Variants in KIAA1217 observed in about 807,000 individuals in gnomAD.
KIAA1217 encodes KIAA1217, also known as sickle tail protein homolog.
A neutral mutation model predicts 163.9 loss-of-function variants in KIAA1217; 88 were observed. The ratio of observed to expected loss-of-function variants is 0.54; its 90% CI spans 0.45 to 0.64. KIAA1217 has a LOEUF of 0.64. Among genes scored for constraint, KIAA1217 ranks in the 30% least tolerant of loss-of-function variants. The pLI, the probability that KIAA1217 is intolerant of heterozygous loss-of-function variation, is 0.00. For missense variants in KIAA1217, 2,372 were observed against 2,475.0 expected, an observed-to-expected ratio of 0.96 and a Z score of 0.88; for synonymous variants, 903 against 923.1, an observed-to-expected ratio of 0.98 and a Z score of 0.39.
At chr10:23,805,752 G>A (rs1222247170) in intron 1 of KIAA1217, among the ~76,000 whole-genome samples, 6 of 152,052 alleles carry the variant, frequency 3.9e-5, no homozygotes, top group South Asian at 2.1e-4. Context: ...GGTGGCTCAC[G>A]CCCGTAATCC....
At chr10:24,290,746 G>A (rs2079012199) in intron 2 of KIAA1217, among the ~76,000 whole-genome samples, 1 of 151,918 alleles carries the variant, frequency 6.6e-6, no homozygotes, top group African/African-American at 2.4e-5. Flanking sequence ...GGGGTTACAG[G>A]TGCCCACCAC....
intron 1 of KIAA1217, among the ~76,000 whole-genome samples, chr10:23,982,582 G>A (rs1011173541): frequency 8.7e-5 from 3 of 34,456 alleles, no homozygotes; most frequent in Non-Finnish European, 1.2e-4. Context: ...TCTCTCTCTC[G>A]GCTGGAGTTT....
At position 24,301,385 on chromosome 10, in the gene KIAA1217, A is replaced by T. The variant is rs564994992; in HGVS notation, c.355-79484A>T. 3.3e-5 allele frequency among the ~76,000 whole-genome samples: 5 copies of T among 152,344 alleles called. No homozygotes were observed. In the South Asian group the frequency reaches 8.3e-4, roughly 25 times the overall value. On this transcript the variant is annotated intron_variant, in intron 2 of 20. Transcript: ENST00000376454. Reference sequence around the variant, plus strand: ...GATAAACTTTTTCTTCTCTTTTCAAATATAAATTGATTATAAAGCATATTG... The same window carrying T: ...GATAAACTTTTTCTTCTCTTTTCAATTATAAATTGATTATAAAGCATATTG...
At chr10:24,030,241 T>C (rs1445820573) in intron 2 of KIAA1217, among the ~76,000 whole-genome samples, 1 of 152,204 alleles carries the variant, frequency 6.6e-6, no homozygotes, top group African/African-American at 2.4e-5. Context: ...TTTCGCTCTG[T>C]GTCCTCGCCC....
chr10:24,348,904 T>C (rs2048123642), intron 2 of KIAA1217, among the ~76,000 whole-genome samples: 1 of 152,138 alleles, frequency 6.6e-6, no homozygotes, highest in African/African-American at 2.4e-5. Context: ...CCCAGAGTTT[T>C]GGGAAGCCAA....
intron 1 of KIAA1217, among the ~76,000 whole-genome samples, chr10:23,800,092 T>C (rs1450320831): frequency 6.6e-6 from 1 of 152,140 alleles, no homozygotes; most frequent in Non-Finnish European, 1.5e-5. Context: ...CCACCGACCT[T>C]GCACCCCTGC....
At chr10:24,481,753 G>A (rs972189484) in intron 6 of KIAA1217, 5 of 152,078 alleles carry the variant, frequency 3.3e-5, no homozygotes, top group African/African-American at 4.8e-5. Flanking sequence ...TGATACAGAC[G>A]GTAATTGCTA....
chr10:23,932,562 T>G (rs1843302674), intron 1 of KIAA1217, among the ~76,000 whole-genome samples: 1 of 152,198 alleles, frequency 6.6e-6, no homozygotes, highest in Non-Finnish European at 1.5e-5. Context: ...GGTAAAAATT[T>G]AACATATAAA....
At chr10:24,348,996 T>G (rs538390815) in intron 2 of KIAA1217, among the ~76,000 whole-genome samples, 1 of 152,060 alleles carries the variant, frequency 6.6e-6, no homozygotes, top group East Asian at 1.9e-4. Flanking sequence ...CAAAGAAATT[T>G]AAAATTTTGC....
chr10:23,790,711 A>ATATATG lies in KIAA1217; in HGVS notation c.-321+95480_-321+95481insATGTAT, dbSNP rs576762545. ...TATGTATATATACACACACATATAT[A>ATATATG]TATGTATGTATGTATGTATGTATGT... On this transcript the variant is annotated intron_variant, in intron 1 of 18. Transcript: ENST00000376462. 5.8e-3 allele frequency among the ~76,000 whole-genome samples: 811 copies of ATATATG among 140,342 alleles called. 18 individuals are homozygous for ATATATG. The highest frequency in any genetic ancestry group is 0.021 in the African/African-American group (706 of 34,060). 92.1% of individuals were successfully genotyped at this position (140,342 alleles called of 152,430 possible).
rs116612437 is a variant in KIAA1217, at chr10:23,748,361, C to T, written c.-321+53127C>T. Among the ~76,000 whole-genome samples, 1,142 of 151,578 alleles carry T rather than the reference C, an allele frequency of 7.5e-3. 18 individuals carry two copies. The highest frequency in any genetic ancestry group is 0.026 in the African/African-American group (1,088 of 41,266). ...TTGTAGATTCTATGAGAGCAGGAAC[C>T]CCATGTGATTTGTTTACCCAGAATT... On this transcript the variant is annotated intron_variant, in intron 1 of 18. Transcript: ENST00000376462.
At chr10:24,476,886 A>G (rs768763424) in intron 6 of KIAA1217, among the ~76,000 whole-genome samples, 9 of 152,054 alleles carry the variant, frequency 5.9e-5, no homozygotes, top group Non-Finnish European at 1.2e-4. Context: ...CACGACACAC[A>G]CACAAGACAG....
At chr10:24,288,393 A>G (rs1229500955) in intron 2 of KIAA1217, among the ~76,000 whole-genome samples, 4 of 152,246 alleles carry the variant, frequency 2.6e-5, no homozygotes, top group Non-Finnish European at 4.4e-5. Flanking sequence ...ATACAAAGCT[A>G]GCTGCACCAG....
At chr10:24,283,730 T>C (rs2132278088) in intron 2 of KIAA1217, among the ~76,000 whole-genome samples, 1 of 152,316 alleles carries the variant, frequency 6.6e-6, no homozygotes, top group South Asian at 2.1e-4. Flanking sequence ...GTACCATTTT[T>C]GCATTTCCAT....
intron 1 of KIAA1217, among the ~76,000 whole-genome samples, chr10:23,865,623 G>A (rs1279601619): frequency 6.6e-6 from 1 of 151,822 alleles, no homozygotes; most frequent in African/African-American, 2.4e-5. Context: ...AGCTTTAGAG[G>A]TGCTTAAGTT....
chr10:23,980,897 G>T (rs897673611), intron 1 of KIAA1217, among the ~76,000 whole-genome samples: 1 of 152,072 alleles, frequency 6.6e-6, no homozygotes, highest in African/African-American at 2.4e-5. Flanking sequence ...TGCCTTTTGG[G>T]TCTTGAAATA....
intron 5 of KIAA1217, among the ~76,000 whole-genome samples, chr10:24,453,132 A>C (rs76945990): frequency 0.077 from 11,670 of 152,262 alleles, 629 homozygotes; most frequent in East Asian, 0.18. Flanking sequence ...CTGGATCTCA[A>C]GTCACCGTTC....
chr10:24,331,869 A>G (rs2045721996), intron 2 of KIAA1217, among the ~76,000 whole-genome samples: 1 of 152,134 alleles, frequency 6.6e-6, no homozygotes, highest in South Asian at 2.1e-4. Flanking sequence ...GCGCGATCTC[A>G]GCTCACTGTA....
At chr10:24,513,730 T>C (rs377745225) in intron 10 of KIAA1217, among the ~76,000 whole-genome samples, 14 of 151,156 alleles carry the variant, frequency 9.3e-5, no homozygotes, top group African/African-American at 3.4e-4. Flanking sequence ...GCGGGAGGAT[T>C]GCTTGAGTCC....
Sources: gnomAD v4.1 joint callset for allele counts (sites outside exome capture counted in the v4.1 genomes callset) on GRCh38, gnomAD v4.1.1 for gene constraint, MANE v1.5 for transcripts, NCBI Gene and HGNC (gene_info 2026-07-23, HGNC 2026-07-21) for gene names.